The following RANBP9 variants were observed in gnomAD, a reference collection of about 807,000 sequenced individuals.
The protein encoded by RANBP9 is RAN binding protein 9, also known as ran-binding protein 9.
In RANBP9, 15 loss-of-function variants were observed where a neutral mutation model predicts 84.3. The ratio of observed to expected loss-of-function variants is 0.18; its 90% confidence interval spans 0.12 to 0.27. The LOEUF (loss-of-function observed/expected upper bound fraction) is 0.27, where lower values mean the gene tolerates loss of function less well. Ranked by LOEUF, RANBP9 falls within the 10% of genes least tolerant of loss-of-function variation. The pLI, the probability that RANBP9 is intolerant of heterozygous loss-of-function variation, is 1.00. For synonymous variants in RANBP9, 392 were observed against 349.6 expected (o/e 1.12, Z -1.35); for missense variants, 809 against 912.8 (o/e 0.89, Z 1.46).
In RANBP9 at chr6:13,634,444, A is replaced by C; in HGVS notation, c.1782T>G (p.Cys594Trp). 6.2e-7 allele frequency: 1 copy of C among 1,613,554 alleles called. No homozygotes were observed. The highest frequency in any genetic ancestry group is 8.5e-7 in the Non-Finnish European group (1 of 1,179,696). Reference sequence around the variant, plus strand: ...ATCACTGCAGACCCATTTCGGTGTCACAATCTTCCATTTCGTGGTCATGTT... The same window carrying C: ...ATCACTGCAGACCCATTTCGGTGTCCCAATCTTCCATTTCGTGGTCATGTT... ...SSKHDHEMEDCDTEMEVDSSQ... is the reference protein window; with the variant it reads ...SSKHDHEMEDWDTEMEVDSSQ... Residue 594 changes from cysteine (C) to tryptophan (W), a missense_variant, in exon 11 of 14, where the codon TGT (cysteine) becomes TGG (tryptophan). Physicochemically the swap from Cys to Trp is radical, Grantham distance 215. Around this residue, in one of 5 missense-constraint regions of RANBP9, gnomAD observed 233 missense variants for 234.4 expected, o/e 0.99. Coordinates refer to ENST00000011619, the MANE Select transcript of RANBP9 (RefSeq NM_005493.3).
At chr6:13,695,953 T>G (rs1766434246) in intron 2 of RANBP9, among the ~76,000 whole-genome samples, 1 of 151,228 alleles carries the variant, frequency 6.6e-6, no homozygotes, top group Non-Finnish European at 1.5e-5. Flanking sequence ...CACAGCTCAA[T>G]AAGCTTTGTC....
chr6:13,628,906 A>G (rs1764698928), intron 12 of RANBP9, among the ~76,000 whole-genome samples: 3 of 152,248 alleles, frequency 2.0e-5, no homozygotes, highest in African/African-American at 7.2e-5. Flanking sequence ...GAAAACCAGT[A>G]TAGCAACATG....
At chr6:13,666,600 CAAAAAAAAAAAAAAA>C (rs70989878) in intron 2 of RANBP9, among the ~76,000 whole-genome samples, 502 of 43,742 alleles carry the variant, frequency 0.011, 13 homozygotes, top group African/African-American at 0.035. Context: ...CCCGTCTCTC[CAAAAAAAAAAAAAAA>C]AAAAAAAAAA....
chr6:13,625,629 T>G (rs1427102577), intron 13 of RANBP9, 24 bp downstream of exon 13: 1 of 1,502,308 alleles, frequency 6.7e-7, no homozygotes, highest in Non-Finnish European at 9.3e-7. Context: ...TAACTGAAAT[T>G]GTGCCTTATT....
At chr6:13,667,807 C>G (rs1433176724) in intron 2 of RANBP9, among the ~76,000 whole-genome samples, 1 of 152,072 alleles carries the variant, frequency 6.6e-6, no homozygotes, top group African/African-American at 2.4e-5. Flanking sequence ...CTATGATATT[C>G]CTACAATGAC....
intron 7 of RANBP9, 151 bp from the exon 8 acceptor site, chr6:13,641,458 C>A: frequency 3.6e-6 from 2 of 558,720 alleles, no homozygotes; most frequent in Non-Finnish European, 6.1e-6. Flanking sequence ...TTCCATTAGG[C>A]AATCCAGGAA....
At chr6:13,697,805 C>T (rs565403694) in intron 1 of RANBP9, among the ~76,000 whole-genome samples, 66 of 152,192 alleles carry the variant, frequency 4.3e-4, no homozygotes, top group African/African-American at 1.6e-3. Flanking sequence ...TCTCCATATC[C>T]CCAAAAGGAC....
chr6:13,685,413 A>G (rs1296864285), intron 2 of RANBP9, among the ~76,000 whole-genome samples: 2 of 152,158 alleles, frequency 1.3e-5, no homozygotes, highest in African/African-American at 2.4e-5. Context: ...CCTCTACAAA[A>G]AAATTCAAAA....
At chr6:13,671,853 C>T (rs916518031) in intron 2 of RANBP9, among the ~76,000 whole-genome samples, 1 of 152,006 alleles carries the variant, frequency 6.6e-6, no homozygotes, top group African/African-American at 2.4e-5. Context: ...GCTTGGAAAT[C>T]ATCACTCCCA....
chr6:13,686,804 T>C (rs1766201490), intron 2 of RANBP9, among the ~76,000 whole-genome samples: 1 of 152,184 alleles, frequency 6.6e-6, no homozygotes, highest in African/African-American at 2.4e-5. Flanking sequence ...GCACATTATC[T>C]CCATTCCTTA....
chr6:13,639,669 A>G lies in RANBP9; in HGVS notation c.1419T>C (p.Ser473=). ...TAAAAGGTCGAGGACTAACAGGATA[A>G]CTGTCTTGAGACTTTGGACTTCGGC... ...LGGRSPKSQD[S]YPVSPRPFSS... Residue 473 remains serine (S), a synonymous_variant, in exon 9 of 14, where the codon AGT becomes AGC. Coordinates refer to ENST00000011619, the MANE Select transcript of RANBP9 (RefSeq NM_005493.3). 6.2e-7 allele frequency: 1 copy of G among 1,613,346 alleles called. No homozygotes were observed.
rs184621546 is a variant in RANBP9 at position 13,651,813 on chromosome 6, C to T, written c.927+846G>A. ...TTCACTCAGAGTAAATTTCCAAGCC[C>T]TCCCAATGGCTTGCCCAGGTCTAGA... is the stretch of plus-strand genomic sequence containing the variant. On this transcript the variant is annotated intron_variant, in intron 5 of 13. Coordinates refer to ENST00000011619, the MANE Select transcript of RANBP9 (RefSeq NM_005493.3). 2.1e-3 allele frequency among the ~76,000 whole-genome samples: 315 copies of T among 152,246 alleles called. 2 individuals are homozygous for T. The highest frequency in any genetic ancestry group is 4.1e-3 in the Admixed American group (62 of 15,292).
At chr6:13,676,408 C>G (rs1765887079) in intron 2 of RANBP9, among the ~76,000 whole-genome samples, 1 of 152,090 alleles carries the variant, frequency 6.6e-6, no homozygotes, top group Admixed American at 6.6e-5. Flanking sequence ...TGTCTCCAAT[C>G]TTTTCCAGAA....
chr6:13,682,685 C>T (rs944347103), intron 2 of RANBP9, among the ~76,000 whole-genome samples: 1 of 152,168 alleles, frequency 6.6e-6, no homozygotes, highest in African/African-American at 2.4e-5. Context: ...CTCCTGACCT[C>T]AGGTGACCCA....
At chr6:13,649,848 C>T (rs1180270494) in intron 5 of RANBP9, among the ~76,000 whole-genome samples, 3 of 152,174 alleles carry the variant, frequency 2.0e-5, no homozygotes, top group Admixed American at 1.3e-4. Context: ...GTCTCCATCC[C>T]ACAGCTGAAA....
At chr6:13,668,347 T>C (rs776327115) in intron 2 of RANBP9, among the ~76,000 whole-genome samples, 2 of 152,058 alleles carry the variant, frequency 1.3e-5, no homozygotes, top group Non-Finnish European at 2.9e-5. Flanking sequence ...CCAAAAAAGC[T>C]AGAAATACTT....
intron 5 of RANBP9, among the ~76,000 whole-genome samples, chr6:13,651,011 G>A (rs144430466): frequency 6.6e-6 from 1 of 152,018 alleles, no homozygotes. Context: ...GTTAGACTCT[G>A]AACATGAAAT....
intron 1 of RANBP9, among the ~76,000 whole-genome samples, chr6:13,708,926 G>A (rs1312493493): frequency 2.0e-5 from 3 of 151,900 alleles, no homozygotes; most frequent in Admixed American, 6.6e-5. Context: ...GAGAGACAAA[G>A]GAAAGATAGA....
At chr6:13,682,022 TG>T in intron 2 of RANBP9, among the ~76,000 whole-genome samples, 1 of 152,086 alleles carries the variant, frequency 6.6e-6, no homozygotes, top group East Asian at 1.9e-4. Context: ...CCACCACACC[TG>T]GTTAATTTTT....
Sources: gnomAD v4.1 joint callset for allele counts (sites outside exome capture counted in the v4.1 genomes callset) on GRCh38, gnomAD v4.1.1 for gene constraint, gnomAD v4.1.1 regional missense constraint, MANE v1.5 for transcripts, NCBI Gene and HGNC (gene_info 2026-07-23, HGNC 2026-07-21) for gene names.